Variants in ITPK1 observed in about 807,000 individuals in gnomAD.
ITPK1 encodes inositol 1,3,4-trisphosphate 5/6-kinase.
In ITPK1, 21 loss-of-function variants were observed where a neutral mutation model predicts 45.3. The observed-to-expected ratio is 0.46, with a 90% CI of 0.33 to 0.67. ITPK1 has a LOEUF of 0.67. Among genes scored for constraint, ITPK1 ranks in the 30% least tolerant of loss-of-function variants. The pLI is 0.02. For missense variants in ITPK1, 474 were observed against 573.5 expected (o/e 0.83, Z 1.77); for synonymous variants, 258 against 253.6 (o/e 1.02, Z -0.16).
At chr14:92,945,092 G>A (rs1342437664) in intron 10 of ITPK1, among the ~76,000 whole-genome samples, 4 of 152,340 alleles carry the variant, frequency 2.6e-5, no homozygotes, top group Non-Finnish European at 1.5e-5. Flanking sequence ...CTGACCGCCC[G>A]CTCTGTCCTC....
chr14:93,025,290 G>C (rs754324845), intron 3 of ITPK1, among the ~76,000 whole-genome samples: 13 of 152,212 alleles, frequency 8.5e-5, no homozygotes, highest in South Asian at 2.1e-4. Flanking sequence ...GCAGACAGTG[G>C]TAAGGCCTGC....
chr14:92,946,476 G>A lies in ITPK1; in HGVS notation c.756C>T (p.Gly252=), dbSNP rs770007481. 1.5e-5 allele frequency: 24 copies of A among 1,612,602 alleles called. No individual in the cohort carries two copies. The highest frequency in any genetic ancestry group is 6.7e-5 in the African/African-American group (5 of 74,932). ...CCTCGTCGCTCGGCCGCTCGAACAC[G>A]CCCTCGATCTTGTCCAGCTGCCAAC... The part of the protein sequence containing the change: ...SVLTELDKIE[G]VFERPSDEVI... The change falls in exon 10 of 11, where the codon GGC becomes GGT. Residue 252 remains glycine, a synonymous_variant. Transcript: ENST00000267615.
chr14:93,055,888 C>T (rs963270389), intron 3 of ITPK1, among the ~76,000 whole-genome samples: 19 of 152,166 alleles, frequency 1.2e-4, no homozygotes, highest in African/African-American at 3.9e-4. Flanking sequence ...CCTTCCTGAG[C>T]GCTGGCTGGG....
rs137929885 is a variant in ITPK1 at position 92,990,467 on chromosome 14, C to T, written c.364+3413G>A. Reference sequence around the variant, plus strand: ...ACATCAGAGAGAAAGGAAGTTCTGTCGCATTTAAGCCACCATGATTTTAGG... The same window carrying T: ...ACATCAGAGAGAAAGGAAGTTCTGTTGCATTTAAGCCACCATGATTTTAGG... On this transcript the variant is annotated intron_variant, in intron 5 of 10. Coordinates refer to ENST00000267615, the MANE Select transcript of ITPK1 (RefSeq NM_014216.6). 2.2e-3 allele frequency among the ~76,000 whole-genome samples: 330 copies of T among 152,302 alleles called. 3 individuals carry two copies. The highest frequency in any genetic ancestry group is 7.5e-3 in the African/African-American group (313 of 41,558).
chr14:93,090,107 A>G lies in ITPK1; in HGVS notation c.96-13488T>C, dbSNP rs140622844. Among the ~76,000 whole-genome samples, 871 of 128,072 alleles carry G rather than the reference A, an allele frequency of 6.8e-3. 7 individuals are homozygous for G. The highest frequency in any genetic ancestry group is 0.024 in the African/African-American group (817 of 33,516). The allele number at this position is 128,072 out of a possible 152,430, so 84.0% of individuals were successfully genotyped here. A position where few individuals can be genotyped will look rare whatever the true frequency, so the allele number is the denominator to read the frequency against. ...GCTCATCACCCCCCAGCCCCTGCCC[A>G]GACTCACCCCCTGGGCTTCCCTCAC... On this transcript the variant is annotated intron_variant, in intron 2 of 10. Transcript: ENST00000267615.
chr14:93,054,008 C>T (rs888496284), intron 3 of ITPK1, among the ~76,000 whole-genome samples: 8 of 152,142 alleles, frequency 5.3e-5, no homozygotes, highest in Non-Finnish European at 8.8e-5. Context: ...GGGAAGGAAG[C>T]GAAGAGCAAA....
At chr14:92,966,543 T>C (rs577778081) in intron 5 of ITPK1, among the ~76,000 whole-genome samples, 1 of 152,328 alleles carries the variant, frequency 6.6e-6, no homozygotes, top group South Asian at 2.1e-4. Flanking sequence ...AGACTCAATA[T>C]GATAGCCATC....
chr14:93,003,305 C>T (rs1178223140), intron 4 of ITPK1, among the ~76,000 whole-genome samples: 1 of 152,240 alleles, frequency 6.6e-6, no homozygotes, highest in Admixed American at 6.5e-5. Flanking sequence ...AATGAACCCT[C>T]TTGGCAGACC....
chr14:92,977,034 G>A lies in ITPK1; in HGVS notation c.365-14185C>T, dbSNP rs144518970. ...GCTCCATACTGTGTGAACTTGAGAC[G>A]GTTACTTCACCTTTTGGTGCCTTCA... On this transcript the variant is annotated intron_variant, in intron 5 of 10. Coordinates refer to ENST00000267615, the MANE Select transcript of ITPK1 (RefSeq NM_014216.6). Among the ~76,000 whole-genome samples, 22 of 152,324 alleles carry A rather than the reference G, an allele frequency of 1.4e-4. No homozygotes were observed. In the East Asian group the frequency reaches 3.9e-3, roughly 27 times the overall value.
intron 4 of ITPK1, among the ~76,000 whole-genome samples, chr14:93,006,168 C>T (rs373087378): frequency 9.8e-5 from 15 of 152,314 alleles, no homozygotes; most frequent in Admixed American, 5.2e-4. Flanking sequence ...GCAAGCCACA[C>T]TTAGGATCCA....
intron 2 of ITPK1, among the ~76,000 whole-genome samples, chr14:93,093,962 C>T (rs1018682278): frequency 6.6e-5 from 10 of 152,274 alleles, no homozygotes; most frequent in African/African-American, 2.4e-4. Flanking sequence ...AAGGGATCCT[C>T]ACCCCGATTG....
chr14:93,018,713 T>C (rs552780349), intron 3 of ITPK1, among the ~76,000 whole-genome samples: 1 of 152,188 alleles, frequency 6.6e-6, no homozygotes, highest in South Asian at 2.1e-4. Context: ...CACTTCCCAA[T>C]ATCTCCTGAG....
chr14:93,063,470 T>C lies in ITPK1; in HGVS notation c.120+13125A>G, dbSNP rs1036259592. On this transcript the variant is annotated intron_variant, in intron 3 of 10. Transcript: ENST00000267615. The surrounding 1 kb of genome is among the most constrained non-coding windows in gnomAD (Gnocchi z 4.3). ...CACACAGCACACTAAGCCCTGTCCC[T>C]GACCTCAGGCTACCCACGCTTCTCC... 1.3e-5 allele frequency among the ~76,000 whole-genome samples: 2 copies of C among 152,204 alleles called. No homozygotes were observed. Among genetic ancestry groups the C allele is most frequent in the Non-Finnish European group, 2.9e-5 (2 of 68,038 alleles).
At chr14:93,055,907 A>C (rs1481389623) in intron 3 of ITPK1, among the ~76,000 whole-genome samples, 1 of 152,184 alleles carries the variant, frequency 6.6e-6, no homozygotes, top group Non-Finnish European at 1.5e-5. Context: ...GGGTCTGAGC[A>C]CCCAGCAGAC....
intron 2 of ITPK1, among the ~76,000 whole-genome samples, chr14:93,114,502 C>G (rs1892864076): frequency 6.6e-6 from 1 of 152,212 alleles, no homozygotes. Flanking sequence ...GGCCAATTTG[C>G]AGGGCTGCTG....
At position 92,938,851 on chromosome 14, in the gene ITPK1, G is replaced by T. The variant is rs1437228283; in HGVS notation, c.*2710C>A. ...CATATAATCAAAGCACTGTCAGGCA[G>T]AACTTGACCCACGGCCTCAGCCCCA... On this transcript the variant is annotated 3_prime_UTR_variant, in exon 11 of 11. Transcript: ENST00000267615. 3 of 458,082 alleles carry T rather than the reference G, an allele frequency of 6.5e-6. No homozygotes were observed. Among genetic ancestry groups the T allele is most frequent in the Non-Finnish European group, 1.2e-5 (3 of 254,106 alleles). The allele number at this position is 458,082 out of a possible 1,614,324, so 28.4% of individuals were successfully genotyped here.
At chr14:93,090,691 A>C (rs1010492636) in intron 2 of ITPK1, among the ~76,000 whole-genome samples, 1 of 152,170 alleles carries the variant, frequency 6.6e-6, no homozygotes, top group African/African-American at 2.4e-5. Context: ...AACTCCAGGG[A>C]CAGGAGGAAT....
At chr14:92,979,919 T>G (rs1185770000) in intron 5 of ITPK1, among the ~76,000 whole-genome samples, 1 of 152,048 alleles carries the variant, frequency 6.6e-6, no homozygotes, top group African/African-American at 2.4e-5. Context: ...TAGCTGTGAT[T>G]ACAGGCGCAC....
rs547182410 is a variant in ITPK1 at position 93,093,909 on chromosome 14, G to A, written c.96-17290C>T. Among the ~76,000 whole-genome samples the A allele has an allele frequency of 2.0e-4, 30 of 152,320 alleles. 1 individual carries two copies. The highest frequency in any genetic ancestry group is 8.3e-4 in the South Asian group (4 of 4,826). ...CCAGCCTTCAGGGCAAAGCCCAAGC[G>A]TGTACAATGATGGCTTATAGGATCC... On this transcript the variant is annotated intron_variant, in intron 2 of 10. Transcript: ENST00000267615.
Sources: allele counts gnomAD v4.1 joint callset (sites outside exome capture counted in the v4.1 genomes callset), GRCh38; gene constraint gnomAD v4.1.1; non-coding constraint Gnocchi (gnomAD v3.1); transcripts MANE v1.5; gene names NCBI Gene and HGNC (gene_info 2026-07-23, HGNC 2026-07-21).